Variants in RUFY3 observed in about 807,000 individuals in gnomAD.
RUFY3 encodes RUN and FYVE domain containing 3.
In RUFY3, 34 loss-of-function variants were observed where a neutral mutation model predicts 84.0. The observed-to-expected ratio is 0.40, with a 90% CI of 0.31 to 0.54. RUFY3 has a LOEUF of 0.54. RUFY3 is among the 20% of genes least tolerant of loss of function. The probability of loss-of-function intolerance (pLI) is 0.39; values close to 1 mark genes in which losing one functional copy is unlikely to be tolerated. For missense variants in RUFY3, 507 were observed against 736.8 expected (o/e 0.69, Z 3.61); for synonymous variants, 242 against 252.9 (o/e 0.96, Z 0.41).
At chr4:70,734,673 A>G in intron 1 of RUFY3, 1 of 523,398 alleles carries the variant, frequency 1.9e-6, no homozygotes, top group Non-Finnish European at 2.4e-6. Context: ...CTGTACTTGT[A>G]TGCCAGTTCC....
At chr4:70,751,721 AAC>A (rs1211042953) in intron 1 of RUFY3, among the ~76,000 whole-genome samples, 1 of 152,130 alleles carries the variant, frequency 6.6e-6, no homozygotes, top group Non-Finnish European at 1.5e-5. Flanking sequence ...TGTCGTTTGA[AAC>A]ACAAATGTTT....
In RUFY3 at chr4:70,804,405, A is replaced by G. The variant is rs752324606; in HGVS notation, c.1708A>G (p.Ser570Gly). 5.6e-6 allele frequency: 9 copies of G among 1,613,840 alleles called. No homozygotes were observed. Among genetic ancestry groups the G allele is most frequent in the Non-Finnish European group, 6.8e-6 (8 of 1,179,898 alleles). The change falls in exon 17 of 18, where the codon AGC (serine) becomes GGC (glycine). Residue 570 changes from serine (S) to glycine (G), a missense_variant. Ser to Gly is a moderately conservative substitution (Grantham distance 56, BLOSUM62 0). Coordinates refer to ENST00000381006, the MANE Select transcript of RUFY3 (RefSeq NM_001037442.4). The part of the protein sequence containing the change: ...QLCQLCQEDG[S>G]LTKNVCKNCS... ...GTGTCAGCTATGCCAGGAAGACGGC[A>G]GCCTAACAAAGGTAACTGTGATGAG...
Position 70,794,798 on chromosome 4 carries a change from C to T in RUFY3, c.1461C>T (p.Asn487=). The T allele has an allele frequency of 6.2e-7, 1 of 1,608,354 alleles. No homozygotes were observed. The highest frequency in any genetic ancestry group is 1.3e-5 in the African/African-American group (1 of 74,866). The stretch of plus-strand genomic sequence containing the variant: ...TTTCCTCTCCAACTTACCTCAGGAA[C>T]CAGCTTGAGTTAGAACTAAAACAGG... The part of the protein sequence containing the change: ...LEVEELTRQR[N]QLELELKQEK... The change falls in exon 14 of 18, where the codon AAC becomes AAT. Residue 487 remains asparagine, a synonymous_variant. Coordinates refer to ENST00000381006, the MANE Select transcript of RUFY3 (RefSeq NM_001037442.4).
At chr4:70,757,463 A>T (rs905477998) in intron 1 of RUFY3, among the ~76,000 whole-genome samples, 1 of 151,910 alleles carries the variant, frequency 6.6e-6, no homozygotes, top group African/African-American at 2.4e-5. Flanking sequence ...AACTAGCCGC[A>T]CGTGGTGGCA....
At chr4:70,789,412 T>C in intron 11 of RUFY3, 83 bp from the exon 12 acceptor site, 1 of 1,274,392 alleles carries the variant, frequency 7.8e-7, no homozygotes, top group Non-Finnish European at 1.1e-6. Context: ...GTTTTCCCAC[T>C]TACCATTAGA....
In RUFY3 at chr4:70,803,002, T is replaced by G. The variant is rs1244951576; in HGVS notation, c.1650+19T>G. 2.5e-6 allele frequency: 4 copies of G among 1,595,876 alleles called. No individual in the cohort carries two copies. Among genetic ancestry groups the G allele is most frequent in the Non-Finnish European group, 2.6e-6 (3 of 1,166,674 alleles). On this transcript the variant is annotated intron_variant, in intron 16 of 17. Transcript: ENST00000381006. The stretch of plus-strand genomic sequence containing the variant: ...TGAACAGGTAACAGAGCCTCCTGTT[T>G]CAAAACATCTTGTATGAATTATGAA...
intron 15 of RUFY3, among the ~76,000 whole-genome samples, chr4:70,802,028 C>T (rs1732294358): frequency 1.3e-5 from 2 of 152,238 alleles, no homozygotes; most frequent in Non-Finnish European, 2.9e-5. Context: ...CATTTATTAT[C>T]TCCTTATGAT....
intron 5 of RUFY3, among the ~76,000 whole-genome samples, chr4:70,773,121 C>CT (rs1006829652): frequency 6.6e-6 from 1 of 151,888 alleles, no homozygotes; most frequent in African/African-American, 2.4e-5. Context: ...ATTACTTCCC[C>CT]TTTTTTTTAG....
intron 14 of RUFY3, among the ~76,000 whole-genome samples, chr4:70,797,168 C>T (rs767898873): frequency 2.0e-5 from 3 of 151,932 alleles, no homozygotes; most frequent in Non-Finnish European, 4.4e-5. Flanking sequence ...GTCTTCAACT[C>T]CTGGGCTCAA....
rs1203024723 is a variant in RUFY3, at chr4:70,733,095, G to GGAGAGA, written c.178+10364_178+10369dup. 5.0e-3 allele frequency among the ~76,000 whole-genome samples: 308 copies of GGAGAGA among 61,648 alleles called. 1 individual carries two copies. Among genetic ancestry groups the GGAGAGA allele is most frequent in the Non-Finnish European group, 7.3e-3 (243 of 33,488 alleles). 40.4% of individuals were successfully genotyped at this position (61,648 alleles called of 152,430 possible). ...AGAAAGAGAGAGAGAGAGAGAGAGAGGAGAGAGAGAGAGAGAGAGAGAGAG... is the reference window on the plus strand; with the variant it reads ...AGAAAGAGAGAGAGAGAGAGAGAGAGGAGAGAGAGAGAGAGAGAGAGAGAGAGAGAG... On this transcript the variant is annotated intron_variant, in intron 1 of 17. Transcript: ENST00000381006.
At chr4:70,765,378 T>TG (rs1560516079) in intron 4 of RUFY3, among the ~76,000 whole-genome samples, 1 of 152,214 alleles carries the variant, frequency 6.6e-6, no homozygotes, top group East Asian at 1.9e-4. Context: ...GGATAATAGT[T>TG]ACCTTGAAGA....
At chr4:70,743,862 C>T (rs987142921) in intron 1 of RUFY3, among the ~76,000 whole-genome samples, 18 of 152,152 alleles carry the variant, frequency 1.2e-4, no homozygotes, top group African/African-American at 4.3e-4. Context: ...TAATTTCATT[C>T]TTCTTGATAT....
At chr4:70,722,803 G>T (rs1288635343) in intron 1 of RUFY3, 52 bp downstream of exon 1, 3 of 1,552,236 alleles carry the variant, frequency 1.9e-6, no homozygotes, top group Non-Finnish European at 2.7e-6. Context: ...CATTGTTATG[G>T]GGGAGGGCTG....
chr4:70,791,905 CTT>C, intron 12 of RUFY3: 1 of 983,940 alleles, frequency 1.0e-6, no homozygotes, highest in Non-Finnish European at 1.2e-6. Flanking sequence ...GCCTTGGTGA[CTT>C]TTGAAAAAAA....
chr4:70,705,389 G>C, intron 1 of RUFY3: 2 of 915,464 alleles, frequency 2.2e-6, no homozygotes, highest in Non-Finnish European at 2.9e-6. Flanking sequence ...CCTCCCGCGG[G>C]GTGACCCGAG....
Position 70,755,722 on chromosome 4 carries a change from C to T in RUFY3, c.179-6797C>T, listed in dbSNP as rs1036866627. Among the ~76,000 whole-genome samples, 6 of 152,144 alleles carry T rather than the reference C, an allele frequency of 3.9e-5. No homozygotes were observed. In the East Asian group the frequency reaches 7.7e-4, roughly 20 times the overall value. Reference sequence around the variant, plus strand: ...ATCCCAGCACTTTGGGACACTGAGGCGGGCGGATCACGAGGTCAGGAGATC... The same window carrying T: ...ATCCCAGCACTTTGGGACACTGAGGTGGGCGGATCACGAGGTCAGGAGATC... On this transcript the variant is annotated intron_variant, in intron 1 of 17. Transcript: ENST00000381006.
intron 7 of RUFY3, among the ~76,000 whole-genome samples, chr4:70,777,118 G>A (rs1231290129): frequency 1.3e-5 from 2 of 152,080 alleles, no homozygotes; most frequent in African/African-American, 2.4e-5. Flanking sequence ...TTACATGTAA[G>A]AAAAAAATAC....
intron 10 of RUFY3, among the ~76,000 whole-genome samples, chr4:70,786,166 A>G (rs1316410897): frequency 2.0e-5 from 3 of 152,232 alleles, no homozygotes; most frequent in Non-Finnish European, 4.4e-5. Context: ...GAGAAATGCC[A>G]TATGATAACA....
chr4:70,751,614 G>A (rs890943266), intron 1 of RUFY3, among the ~76,000 whole-genome samples: 71 of 151,952 alleles, frequency 4.7e-4, no homozygotes, highest in Non-Finnish European at 4.0e-4. Context: ...CTCTTCTGTT[G>A]TTAAATCATA....
Sources: allele counts gnomAD v4.1 joint callset (sites outside exome capture counted in the v4.1 genomes callset), GRCh38; gene constraint gnomAD v4.1.1; transcripts MANE v1.5; gene names NCBI Gene and HGNC (gene_info 2026-07-23, HGNC 2026-07-21).